The following TMEM97 variants were observed in gnomAD, a reference collection of about 807,000 sequenced individuals.
The protein encoded by TMEM97 is sigma intracellular receptor 2.
TMEM97 carries 13 observed loss-of-function variants against 18.3 expected under a neutral mutation model. The observed-to-expected ratio is 0.71, with a 90% CI of 0.46 to 1.13. TMEM97 has a LOEUF of 1.13. Among genes scored for constraint, TMEM97 ranks in the 50% most tolerant of loss-of-function variants. The pLI, the probability that TMEM97 is intolerant of heterozygous loss-of-function variation, is 0.00. For synonymous variants in TMEM97, 76 were observed against 85.3 expected (o/e 0.89, Z 0.60); for missense variants, 205 against 210.5 (o/e 0.97, Z 0.16).
chr17:28,325,016 A>C lies in TMEM97; in HGVS notation c.127-487A>C, dbSNP rs369989071. ...TCAATTCATTTCTGCATTTGAGGGA[A>C]TCTGGCCTTTGGAGGAGTTTGGTGT... On this transcript the variant is annotated intron_variant, in intron 1 of 2. Coordinates refer to ENST00000226230, the MANE Select transcript of TMEM97 (RefSeq NM_014573.3). Among the ~76,000 whole-genome samples the C allele has an allele frequency of 1.3e-4, 19 of 151,542 alleles. No homozygotes were observed. In the East Asian group the frequency reaches 1.7e-3, roughly 14 times the overall value.
chr17:28,326,918 A>C lies in TMEM97; in HGVS notation c.*125A>C. On this transcript the variant is annotated 3_prime_UTR_variant, in exon 3 of 3. Transcript: ENST00000226230. ...TTTGAAACACTGGCAGCAATGCACA[A>C]GAGCAAGATGGTGTCAGGAACCATG... The C allele has an allele frequency of 8.3e-7, 1 of 1,206,898 alleles. No homozygotes were observed. The highest frequency in any genetic ancestry group is 1.2e-6 in the Non-Finnish European group (1 of 866,494). 74.8% of individuals were successfully genotyped at this position (1,206,898 alleles called of 1,614,324 possible).
chr17:28,319,457 G>C, intron 1 of TMEM97, 92 bp downstream of exon 1: 1 of 1,405,636 alleles, frequency 7.1e-7, no homozygotes, highest in Non-Finnish European at 9.3e-7. Flanking sequence ...CGCACTCTGG[G>C]TTCCAGTTGC....
rs1314102161 is a variant in TMEM97, at chr17:28,319,226, C to A, written c.-14C>A. The A allele has an allele frequency of 2.5e-6, 4 of 1,598,656 alleles. No homozygotes were observed. The highest frequency in any genetic ancestry group is 1.7e-6 in the Non-Finnish European group (2 of 1,172,198). On this transcript the variant is annotated 5_prime_UTR_variant, in exon 1 of 3. Transcript: ENST00000226230. ...TCTTCTCACATCAGCGGGTCCAGGCCCAACCGACAGACTATGGGGGCTCCG... is the reference window on the plus strand; with the variant it reads ...TCTTCTCACATCAGCGGGTCCAGGCACAACCGACAGACTATGGGGGCTCCG...
At chr17:28,319,449 C>G (rs1322799231) in intron 1 of TMEM97, 84 bp downstream of exon 1, 7 of 1,427,200 alleles carry the variant, frequency 4.9e-6, no homozygotes, top group Non-Finnish European at 6.4e-6. Context: ...CGCGCTCGCG[C>G]ACTCTGGGTT....
chr17:28,321,640 C>T (rs1424199246), intron 1 of TMEM97, among the ~76,000 whole-genome samples: 1 of 152,090 alleles, frequency 6.6e-6, no homozygotes, highest in Non-Finnish European at 1.5e-5. Flanking sequence ...ACTGTGTTAC[C>T]CAGGCTGGTC....
chr17:28,325,186 T>C (rs528905840), intron 1 of TMEM97, among the ~76,000 whole-genome samples: 14 of 152,354 alleles, frequency 9.2e-5, no homozygotes, highest in Admixed American at 2.6e-4. Context: ...CAGATACTTA[T>C]TGTTGCTCCT....
Position 28,326,367 on chromosome 17 carries a change from G to A in TMEM97, c.272-167G>A, listed in dbSNP as rs558070246. Among the ~76,000 whole-genome samples the A allele has an allele frequency of 9.9e-5, 15 of 152,206 alleles. 1 individual carries two copies. The highest frequency in any genetic ancestry group is 1.3e-4 in the Non-Finnish European group (9 of 68,032). ...TGGCGAGCTGTCGGTGAGCTGTCAC[G>A]TAAGTCTGCATGTTGGGCAGTGTGG... On this transcript the variant is annotated intron_variant, in intron 2 of 2. Coordinates refer to ENST00000226230, the MANE Select transcript of TMEM97 (RefSeq NM_014573.3).
In TMEM97 at chr17:28,323,509, C is replaced by T. The variant is rs1555575123; in HGVS notation, c.127-1994C>T. ...GCAGTGGCTCGATCTCGGCTCACTGCAACCTCAGCCTCCAGAGTTGCTAGG... is the reference window on the plus strand; with the variant it reads ...GCAGTGGCTCGATCTCGGCTCACTGTAACCTCAGCCTCCAGAGTTGCTAGG... On this transcript the variant is annotated intron_variant, in intron 1 of 2. Transcript: ENST00000226230. 2.0e-5 allele frequency among the ~76,000 whole-genome samples: 3 copies of T among 151,774 alleles called. No individual in the cohort carries two copies. The South Asian group carries it at 6.3e-4, about 32-fold the overall frequency.
rs371554263 is a variant in TMEM97, at chr17:28,319,262, G to T, written c.23G>T (p.Arg8Leu). The T allele has an allele frequency of 3.1e-6, 5 of 1,609,786 alleles. No individual in the cohort carries two copies. The highest frequency in any genetic ancestry group is 4.2e-6 in the Non-Finnish European group (5 of 1,177,994). Residue 8 changes from arginine to leucine, a missense_variant, in exon 1 of 3, where the codon CGC becomes CTC. Arg to Leu is a moderately radical substitution (Grantham distance 102). Coordinates refer to ENST00000226230, the MANE Select transcript of TMEM97 (RefSeq NM_014573.3). MGAPATRRCVEWLLGLYF... is the reference protein window; with the variant it reads MGAPATRLCVEWLLGLYF... ...ACTATGGGGGCTCCGGCAACCAGGC[G>T]CTGCGTGGAGTGGCTGCTGGGCCTC...
chr17:28,319,285 C>T lies in TMEM97; in HGVS notation c.46C>T (p.Leu16Phe). The change falls in exon 1 of 3, where the codon CTC becomes TTC. Residue 16 changes from leucine to phenylalanine, a missense_variant. Leu to Phe is a conservative substitution (Grantham distance 22). Coordinates refer to ENST00000226230, the MANE Select transcript of TMEM97 (RefSeq NM_014573.3). ...TRRCVEWLLG[L>F]YFLSHIPITL... ...GCGCTGCGTGGAGTGGCTGCTGGGC[C>T]TCTACTTCCTCAGCCACATCCCCAT... 6.2e-7 allele frequency: 1 copy of T among 1,610,926 alleles called. No homozygotes were observed. The highest frequency in any genetic ancestry group is 8.5e-7 in the Non-Finnish European group (1 of 1,178,764).
At chr17:28,320,636 A>T (rs934701252) in intron 1 of TMEM97, among the ~76,000 whole-genome samples, 2 of 152,208 alleles carry the variant, frequency 1.3e-5, no homozygotes, top group Non-Finnish European at 2.9e-5. Flanking sequence ...TTGCTGTTGT[A>T]GTTACCACAA....
chr17:28,326,916 C>G lies in TMEM97; in HGVS notation c.*123C>G. The stretch of plus-strand genomic sequence containing the variant: ...CATTTGAAACACTGGCAGCAATGCA[C>G]AAGAGCAAGATGGTGTCAGGAACCA... On this transcript the variant is annotated 3_prime_UTR_variant, in exon 3 of 3. Transcript: ENST00000226230. 1 of 1,199,920 alleles carries G rather than the reference C, an allele frequency of 8.3e-7. No individual in the cohort carries two copies. The allele number at this position is 1,199,920 out of a possible 1,614,324, so 74.3% of individuals were successfully genotyped here.
Position 28,322,495 on chromosome 17 carries a change from C to T in TMEM97, c.127-3008C>T, listed in dbSNP as rs59166887. The stretch of plus-strand genomic sequence containing the variant: ...CTGACCTCAAGCGATCTGCATGCCT[C>T]AGCCTCCCAAAGTGCTGGGATTACA... On this transcript the variant is annotated intron_variant, in intron 1 of 2. Transcript: ENST00000226230. 6.0e-3 allele frequency among the ~76,000 whole-genome samples: 917 copies of T among 152,270 alleles called. 11 individuals carry two copies. The highest frequency in any genetic ancestry group is 0.021 in the African/African-American group (872 of 41,550).
In TMEM97 at chr17:28,326,692, GTGTC is replaced by G. The variant is rs782060923; in HGVS notation, c.436_439del (p.Val146MetfsTer12). On this transcript the variant is annotated frameshift_variant, in exon 3 of 3. Coordinates refer to ENST00000226230, the MANE Select transcript of TMEM97 (RefSeq NM_014573.3). LOFTEE classifies it high-confidence loss of function. ...GACTTTGCATGAACGGTTAACCCTT[GTGTC>G]TGTCTATGCCCCCTACTTACTCATC... 1.4e-5 allele frequency: 22 copies of G among 1,613,984 alleles called. No individual in the cohort carries two copies. Among genetic ancestry groups the G allele is most frequent in the Non-Finnish European group, 1.8e-5 (21 of 1,180,026 alleles).
intron 1 of TMEM97, among the ~76,000 whole-genome samples, chr17:28,321,136 C>T (rs150807532): frequency 4.4e-4 from 67 of 152,290 alleles, no homozygotes; most frequent in African/African-American, 1.5e-3. Context: ...CCATTAATTG[C>T]CCTGAAGAAA....
At chr17:28,320,844 G>A (rs1026774205) in intron 1 of TMEM97, among the ~76,000 whole-genome samples, 3 of 152,034 alleles carry the variant, frequency 2.0e-5, no homozygotes, top group African/African-American at 7.2e-5. Flanking sequence ...TCTCTGCTTC[G>A]GGTCATCACA....
chr17:28,320,396 A>G (rs781676001), intron 1 of TMEM97, among the ~76,000 whole-genome samples: 1 of 152,174 alleles, frequency 6.6e-6, no homozygotes, highest in Non-Finnish European at 1.5e-5. Flanking sequence ...CACTCCCATA[A>G]GTCACTCTTT....
intron 1 of TMEM97, among the ~76,000 whole-genome samples, chr17:28,320,197 ATTTTGCGTCTG>A (rs1906089735): frequency 6.6e-6 from 1 of 151,772 alleles, no homozygotes; most frequent in Non-Finnish European, 1.5e-5. Context: ...CGAAGATTTT[ATTTTGCGTCTG>A]TTTTTCCTTA....
At position 28,321,727 on chromosome 17, in the gene TMEM97, T is replaced by C. The variant is rs536626492; in HGVS notation, c.126+2362T>C. ...CAGGTGTGACCCACCGTGCCCAGCG[T>C]CAGCTTTATTTTTTTAATGCTGACT... On this transcript the variant is annotated intron_variant, in intron 1 of 2. Coordinates refer to ENST00000226230, the MANE Select transcript of TMEM97 (RefSeq NM_014573.3). 7.2e-5 allele frequency among the ~76,000 whole-genome samples: 11 copies of C among 152,072 alleles called. No homozygotes were observed. The South Asian group carries it at 1.7e-3, about 23-fold the overall frequency.
Sources: allele counts gnomAD v4.1 joint callset (sites outside exome capture counted in the v4.1 genomes callset), GRCh38; gene constraint gnomAD v4.1.1; transcripts MANE v1.5; gene names NCBI Gene and HGNC (gene_info 2026-07-23, HGNC 2026-07-21).